Variants in ROBO2 observed in about 807,000 individuals in gnomAD.
The protein encoded by ROBO2 is roundabout homolog 2.
ROBO2 carries 53 observed loss-of-function variants against 160.8 expected under a neutral mutation model. The observed-to-expected ratio is 0.33, with a 90% CI of 0.26 to 0.41. The LOEUF (loss-of-function observed/expected upper bound fraction) is 0.41. Among genes scored for constraint, ROBO2 ranks in the 10% least tolerant of loss-of-function variants. The pLI, the probability that ROBO2 is intolerant of heterozygous loss-of-function variation, is 1.00. For synonymous variants in ROBO2, 664 were observed against 611.7 expected (o/e 1.09, Z -1.26); for missense variants, 1,577 against 1,722.4 (o/e 0.92, Z 1.49).
At chr3:76,711,632 C>T (rs111561498) in intron 2 of ROBO2, among the ~76,000 whole-genome samples, 1,750 of 152,250 alleles carry the variant, frequency 0.011, 30 homozygotes, top group African/African-American at 0.04. Flanking sequence ...TAACGTACAA[C>T]AGAGTAGGGA....
intron 2 of ROBO2, among the ~76,000 whole-genome samples, chr3:76,441,293 A>G (rs2076915719): frequency 6.6e-6 from 1 of 152,208 alleles, no homozygotes; most frequent in African/African-American, 2.4e-5. Context: ...TCCTTTGCCA[A>G]CATTCTGGTA....
intron 2 of ROBO2, among the ~76,000 whole-genome samples, chr3:77,316,040 A>C (rs2063953746): frequency 6.6e-6 from 1 of 152,206 alleles, no homozygotes; most frequent in African/African-American, 2.4e-5. Context: ...GAGAATACAA[A>C]AGAAGTCCAA....
chr3:77,620,232 A>G (rs2094872651), intron 22 of ROBO2, among the ~76,000 whole-genome samples: 1 of 152,130 alleles, frequency 6.6e-6, no homozygotes, highest in Non-Finnish European at 1.5e-5. Flanking sequence ...GTAGCACATC[A>G]ACATCATAGG....
chr3:76,699,444 G>C (rs747663600), intron 2 of ROBO2, among the ~76,000 whole-genome samples: 1 of 152,046 alleles, frequency 6.6e-6, no homozygotes, highest in Non-Finnish European at 1.5e-5. Context: ...TTATTTGGAC[G>C]TTCTGATATC....
At chr3:76,798,255 A>AGAAG (rs1440651128) in intron 2 of ROBO2, among the ~76,000 whole-genome samples, 1 of 134,898 alleles carries the variant, frequency 7.4e-6, no homozygotes, top group African/African-American at 2.8e-5. Context: ...GAAGAAAGAA[A>AGAAG]GAAGGAAAGA....
intron 2 of ROBO2, among the ~76,000 whole-genome samples, chr3:76,357,639 T>G (rs2075254229): frequency 1.3e-5 from 2 of 151,900 alleles, no homozygotes; most frequent in Non-Finnish European, 2.9e-5. Context: ...CAAGATTAAT[T>G]GACTTGAACG....
chr3:77,193,054 T>TA (rs879588255), intron 2 of ROBO2, among the ~76,000 whole-genome samples: 11 of 151,804 alleles, frequency 7.2e-5, no homozygotes, highest in Admixed American at 3.9e-4. Context: ...ATGCCAGCAT[T>TA]AAAAAAAATA....
intron 2 of ROBO2, among the ~76,000 whole-genome samples, chr3:75,967,440 C>G (rs1393499848): frequency 6.6e-6 from 1 of 151,414 alleles, no homozygotes; most frequent in South Asian, 2.1e-4. Flanking sequence ...TAAAATAATT[C>G]TAGGTGTCCC....
At chr3:77,431,123 A>G (rs1354132921) in intron 2 of ROBO2, among the ~76,000 whole-genome samples, 1 of 152,254 alleles carries the variant, frequency 6.6e-6, no homozygotes, top group African/African-American at 2.4e-5. Context: ...CAGACTCACA[A>G]AGTAACTGAG....
At chr3:77,162,607 C>A (rs2078594986) in intron 2 of ROBO2, among the ~76,000 whole-genome samples, 1 of 152,158 alleles carries the variant, frequency 6.6e-6, no homozygotes, top group Admixed American at 6.5e-5. Flanking sequence ...GTGTCACTCT[C>A]TCCCTGATTA....
exon 26 of ROBO2, chr3:77,649,702 A>T (rs1054052067): frequency 2.6e-5 from 4 of 152,168 alleles, no homozygotes; most frequent in African/African-American, 9.7e-5. Flanking sequence ...CTCATAATTT[A>T]AAAAGCATTT....
chr3:77,446,035 C>A (rs1046882785), intron 2 of ROBO2, among the ~76,000 whole-genome samples: 4 of 151,968 alleles, frequency 2.6e-5, no homozygotes, highest in African/African-American at 7.2e-5. Flanking sequence ...TTCAGAGTAT[C>A]TTTCCTAGAA....
intron 2 of ROBO2, among the ~76,000 whole-genome samples, chr3:77,388,664 CAATT>C (rs2074386762): frequency 6.6e-6 from 1 of 152,124 alleles, no homozygotes; most frequent in Non-Finnish European, 1.5e-5. Context: ...ACTTCTCTCA[CAATT>C]AATATCAAGT....
chr3:76,742,415 C>T (rs973018465), intron 2 of ROBO2, among the ~76,000 whole-genome samples: 1 of 152,100 alleles, frequency 6.6e-6, no homozygotes, highest in Non-Finnish European at 1.5e-5. Context: ...CCATTTGAAA[C>T]TGCAGAGCAA....
intron 5 of ROBO2, among the ~76,000 whole-genome samples, chr3:77,502,831 C>T (rs1488126040): frequency 6.6e-6 from 1 of 151,974 alleles, no homozygotes; most frequent in African/African-American, 2.4e-5. Flanking sequence ...TTTGGACGTC[C>T]TCAGCTTTTG....
intron 5 of ROBO2, among the ~76,000 whole-genome samples, chr3:77,519,109 C>G (rs1285645567): frequency 6.6e-6 from 1 of 151,082 alleles, no homozygotes; most frequent in Non-Finnish European, 1.5e-5. Context: ...TTTATTCTTC[C>G]CAAGTAATAT....
chr3:77,221,340 G>A (rs1247322562), intron 2 of ROBO2, among the ~76,000 whole-genome samples: 1 of 152,148 alleles, frequency 6.6e-6, no homozygotes, highest in African/African-American at 2.4e-5. Context: ...TGTTTTATTT[G>A]ATAACCTTTT....
intron 2 of ROBO2, among the ~76,000 whole-genome samples, chr3:76,391,060 G>A (rs1419255425): frequency 6.6e-6 from 1 of 151,982 alleles, no homozygotes; most frequent in Non-Finnish European, 1.5e-5. Flanking sequence ...ACAGTGCCTA[G>A]TAAATAGCAA....
At chr3:76,622,237 A>AAGAAAGAAG (rs1578621790) in intron 2 of ROBO2, among the ~76,000 whole-genome samples, 12 of 40,238 alleles carry the variant, frequency 3.0e-4, no homozygotes, top group African/African-American at 1.4e-3. Flanking sequence ...GAAGGAAGGA[A>AAGAAAGAAG]GAAAGAAAGA....
Sources: allele counts gnomAD v4.1 joint callset (sites outside exome capture counted in the v4.1 genomes callset), GRCh38; gene constraint gnomAD v4.1.1; transcripts MANE v1.5; gene names NCBI Gene and HGNC (gene_info 2026-07-23, HGNC 2026-07-21).